PPP4R2: variants seen among roughly 807,000 people sequenced by gnomAD.
PPP4R2 encodes the protein protein phosphatase 4 regulatory subunit 2.
A neutral mutation model predicts 47.2 loss-of-function variants in PPP4R2; 13 were observed. That is an observed-to-expected ratio of 0.28 (90% CI 0.18 to 0.44). The LOEUF is 0.44. PPP4R2 is among the 20% of genes least tolerant of loss of function. The pLI, the probability that PPP4R2 is intolerant of heterozygous loss-of-function variation, is 1.00. For missense variants in PPP4R2, 421 were observed against 491.2 expected (o/e 0.86, Z 1.35); for synonymous variants, 151 against 163.3 (o/e 0.92, Z 0.57).
intron 2 of PPP4R2, among the ~76,000 whole-genome samples, chr3:73,044,031 G>A (rs943102813): frequency 1.3e-5 from 2 of 152,140 alleles, no homozygotes; most frequent in Non-Finnish European, 2.9e-5. Context: ...TTTGCATAAT[G>A]CCATCAAGCT....
At chr3:73,047,415 C>A in intron 3 of PPP4R2, 59 bp downstream of exon 3, 1 of 1,216,646 alleles carries the variant, frequency 8.2e-7, no homozygotes, top group Non-Finnish European at 1.1e-6. Flanking sequence ...ATAGATTTTT[C>A]TTTTAGTTTT....
At chr3:73,060,796 T>C (rs1046148586) in intron 4 of PPP4R2, among the ~76,000 whole-genome samples, 1 of 151,844 alleles carries the variant, frequency 6.6e-6, no homozygotes, top group Non-Finnish European at 1.5e-5. Flanking sequence ...AAAATAAGTA[T>C]AGGAAAAAAA....
chr3:73,021,872 GTGTGTGTGTA>G (rs1471752518), intron 2 of PPP4R2, among the ~76,000 whole-genome samples: 9 of 136,704 alleles, frequency 6.6e-5, no homozygotes, highest in Non-Finnish European at 6.2e-5. Context: ...GTGTGTGTGT[GTGTGTGTGTA>G]TATATGCATA....
At chr3:73,039,899 C>T (rs910947871) in intron 2 of PPP4R2, among the ~76,000 whole-genome samples, 1 of 152,130 alleles carries the variant, frequency 6.6e-6, no homozygotes, top group Non-Finnish European at 1.5e-5. Context: ...ACTAAAAATA[C>T]AAAAATTAGC....
rs543740618 is a variant in PPP4R2 at position 73,021,850 on chromosome 3, G to A, written c.116+23692G>A. Among the ~76,000 whole-genome samples the A allele has an allele frequency of 7.3e-3, 742 of 101,502 alleles. 3 individuals carry two copies. Among genetic ancestry groups the A allele is most frequent in the African/African-American group, 0.052 (712 of 13,762 alleles). 66.6% of individuals were successfully genotyped at this position (101,502 alleles called of 152,430 possible). ...ACAGTGAAGTATTACATTTCTATAT[G>A]TGTGTGTGTGTGTGTGTGTGTGTGT... is the stretch of plus-strand genomic sequence containing the variant. On this transcript the variant is annotated intron_variant, in intron 2 of 8. Coordinates refer to ENST00000356692, the MANE Select transcript of PPP4R2 (RefSeq NM_174907.4).
At chr3:73,051,847 G>C (rs1306136883) in intron 3 of PPP4R2, among the ~76,000 whole-genome samples, 1 of 151,988 alleles carries the variant, frequency 6.6e-6, no homozygotes, top group South Asian at 2.1e-4. Flanking sequence ...GGATGGTCTC[G>C]ATCTCCTGAC....
chr3:73,029,672 C>T (rs1160743179), intron 2 of PPP4R2, among the ~76,000 whole-genome samples: 1 of 152,126 alleles, frequency 6.6e-6, no homozygotes, highest in Non-Finnish European at 1.5e-5. Context: ...GATTGGGGAT[C>T]AGGAGTCATC....
Position 72,996,968 on chromosome 3 carries a change from G to C in PPP4R2, c.-70G>C. The C allele has an allele frequency of 8.4e-7, 1 of 1,188,972 alleles. No homozygotes were observed. Among genetic ancestry groups the C allele is most frequent in the Non-Finnish European group, 1.1e-6 (1 of 910,420 alleles). The allele number at this position is 1,188,972 out of a possible 1,614,324, so 73.7% of individuals were successfully genotyped here. ...GGGAGGGGGAGGGCGTCGGGGGGGT[G>C]GGGGGAGGCGTTCCGGTCCCCAAGA... On this transcript the variant is annotated 5_prime_UTR_variant, in exon 1 of 9. Coordinates refer to ENST00000356692, the MANE Select transcript of PPP4R2 (RefSeq NM_174907.4).
intron 2 of PPP4R2, among the ~76,000 whole-genome samples, chr3:73,026,361 C>G (rs1702062728): frequency 6.6e-6 from 1 of 152,076 alleles, no homozygotes; most frequent in Admixed American, 6.6e-5. Context: ...CTGTGTTGCT[C>G]TTGACTTTGT....
chr3:73,015,588 A>G (rs558631711), intron 2 of PPP4R2, among the ~76,000 whole-genome samples: 156 of 129,616 alleles, frequency 1.2e-3, no homozygotes, highest in African/African-American at 4.5e-3. Flanking sequence ...CGATTCTTCT[A>G]CCTCAGCCTC....
intron 2 of PPP4R2, among the ~76,000 whole-genome samples, chr3:73,001,600 T>G (rs1701459837): frequency 6.6e-6 from 1 of 152,072 alleles, no homozygotes; most frequent in African/African-American, 2.4e-5. Context: ...ACTTGCACAC[T>G]TATGTAATTT....
rs185699117 is a variant in PPP4R2 at position 73,031,850 on chromosome 3, C to T, written c.117-15336C>T. Among the ~76,000 whole-genome samples, 71 of 152,346 alleles carry T rather than the reference C, an allele frequency of 4.7e-4. 1 individual carries two copies. The East Asian group carries it at 0.013, about 29-fold the overall frequency. Reference sequence around the variant, plus strand: ...TGTATTACTCAGATGTTCTCCCCATCCTGAGTTTCTTGAGGAATAACGACC... The same window carrying T: ...TGTATTACTCAGATGTTCTCCCCATTCTGAGTTTCTTGAGGAATAACGACC... On this transcript the variant is annotated intron_variant, in intron 2 of 8. Coordinates refer to ENST00000356692, the MANE Select transcript of PPP4R2 (RefSeq NM_174907.4).
intron 2 of PPP4R2, among the ~76,000 whole-genome samples, chr3:73,011,098 A>G (rs763637293): frequency 2.0e-5 from 3 of 152,204 alleles, no homozygotes; most frequent in Non-Finnish European, 2.9e-5. Context: ...TTTTATTAAT[A>G]TATACCATTT....
intron 2 of PPP4R2, among the ~76,000 whole-genome samples, chr3:73,002,027 AATC>A (rs71623997): frequency 0.33 from 49,671 of 151,828 alleles, 8,632 homozygotes; most frequent in Non-Finnish European, 0.4. Context: ...AGTCTCTAGT[AATC>A]ATCAGTCTTT....
In PPP4R2 at chr3:73,065,872, T is replaced by C. The variant is rs1410708718; in HGVS notation, c.*150T>C. 2 of 554,884 alleles carry C rather than the reference T, an allele frequency of 3.6e-6. No homozygotes were observed. Among genetic ancestry groups the C allele is most frequent in the East Asian group, 5.8e-5 (2 of 34,394 alleles). 34.4% of individuals were successfully genotyped at this position (554,884 alleles called of 1,614,324 possible). A position where few individuals can be genotyped will look rare whatever the true frequency, so the allele number is the denominator to read the frequency against. ...TTATGGATAATTCCTGAAAGAGTTG[T>C]ACATGTAAGAACTGTGAATATCAGC... On this transcript the variant is annotated 3_prime_UTR_variant, in exon 9 of 9. Coordinates refer to ENST00000356692, the MANE Select transcript of PPP4R2 (RefSeq NM_174907.4).
chr3:73,002,643 T>TTTTTTTTTC (rs1701499640), intron 2 of PPP4R2, among the ~76,000 whole-genome samples: 1 of 84,828 alleles, frequency 1.2e-5, no homozygotes, highest in African/African-American at 4.9e-5. Flanking sequence ...TCTTTTTTTT[T>TTTTTTTTTC]TTTTTTTTTT....
intron 2 of PPP4R2, among the ~76,000 whole-genome samples, chr3:73,036,979 T>C (rs1051705206): frequency 8.5e-5 from 13 of 152,216 alleles, no homozygotes; most frequent in Admixed American, 7.2e-4. Flanking sequence ...TGCTAACTCA[T>C]TTTTATATTT....
At chr3:73,024,418 G>A (rs955060494) in intron 2 of PPP4R2, among the ~76,000 whole-genome samples, 3 of 152,072 alleles carry the variant, frequency 2.0e-5, no homozygotes, top group East Asian at 1.9e-4. Flanking sequence ...ATTCTGTAGG[G>A]TTACCTGCGG....
chr3:73,037,070 T>G (rs1023441582), intron 2 of PPP4R2, among the ~76,000 whole-genome samples: 5 of 152,318 alleles, frequency 3.3e-5, no homozygotes, highest in South Asian at 2.1e-4. Context: ...GATTATTGTC[T>G]TCTTTGCTGT....
Sources: gnomAD v4.1 joint callset for allele counts (sites outside exome capture counted in the v4.1 genomes callset) on GRCh38, gnomAD v4.1.1 for gene constraint, MANE v1.5 for transcripts, NCBI Gene and HGNC (gene_info 2026-07-23, HGNC 2026-07-21) for gene names.